Variants in CIB4 observed in about 807,000 individuals in gnomAD.
The protein encoded by CIB4 is calcium and integrin binding family member 4, also known as calcium and integrin-binding family member 4.
A neutral mutation model predicts 25.8 loss-of-function variants in CIB4; 25 were observed. That is an observed-to-expected ratio of 0.97 (90% CI 0.71 to 1.35). CIB4 has a LOEUF of 1.35. CIB4 is among the 40% of genes most tolerant of loss of function. The pLI is 0.00. For missense variants in CIB4, 235 were observed against 228.2 expected (o/e 1.03, Z -0.19); for synonymous variants, 75 against 81.4 (o/e 0.92, Z 0.42).
intron 3 of CIB4, among the ~76,000 whole-genome samples, chr2:26,603,010 G>A (rs1000641987): frequency 4.5e-5 from 6 of 134,756 alleles, no homozygotes; most frequent in Non-Finnish European, 6.2e-5. Context: ...ATCTATGATC[G>A]CTCCACTGTG....
chr2:26,582,548 G>A (rs1006219226), intron 6 of CIB4, among the ~76,000 whole-genome samples: 7 of 152,202 alleles, frequency 4.6e-5, no homozygotes, highest in Non-Finnish European at 8.8e-5. Context: ...AAGCACAGAG[G>A]TGTGTCAGCT....
chr2:26,596,294 A>G (rs561197393), intron 3 of CIB4, among the ~76,000 whole-genome samples: 4 of 152,342 alleles, frequency 2.6e-5, no homozygotes, highest in Admixed American at 1.3e-4. Flanking sequence ...AGGATGGAAA[A>G]GAATTCTGGG....
chr2:26,592,177 A>T (rs1467080885), intron 4 of CIB4, among the ~76,000 whole-genome samples: 1 of 152,214 alleles, frequency 6.6e-6, no homozygotes, highest in Non-Finnish European at 1.5e-5. Flanking sequence ...TTTGCAACCG[A>T]AAGACTCTTG....
chr2:26,602,858 G>A (rs1279014614), intron 3 of CIB4, among the ~76,000 whole-genome samples: 4 of 152,108 alleles, frequency 2.6e-5, no homozygotes, highest in Non-Finnish European at 2.9e-5. Context: ...ACAGGCATTC[G>A]AAATCAGCCT....
chr2:26,589,047 CT>C lies in CIB4; in HGVS notation c.329-5150del, dbSNP rs1558554751. ...TCTTCTTCTTCTTCTTCTTCTTCTT[CT>C]TCTTCTTCTTCCTCTTCCTCTTCCT... On this transcript the variant is annotated intron_variant, in intron 4 of 6. Transcript: ENST00000288861. Among the ~76,000 whole-genome samples, 43 of 53,576 alleles carry C rather than the reference CT, an allele frequency of 8.0e-4. 3 individuals carry two copies. The highest frequency in any genetic ancestry group is 3.0e-3 in the African/African-American group (39 of 12,854). 35.1% of individuals were successfully genotyped at this position (53,576 alleles called of 152,430 possible).
At chr2:26,617,858 C>G (rs917613740) in intron 3 of CIB4, among the ~76,000 whole-genome samples, 1 of 152,192 alleles carries the variant, frequency 6.6e-6, no homozygotes, top group East Asian at 1.9e-4. Context: ...TCCTCATCAA[C>G]GGACCAAACC....
In CIB4 at chr2:26,618,757, T is replaced by A. The variant is rs188321324; in HGVS notation, c.186+10653A>T. ...TGACCGCAGGGCAGCACTGGCGAGG[T>A]CCTTCCTGGGTCCTCATGGAGGAAG... On this transcript the variant is annotated intron_variant, in intron 3 of 6. Transcript: ENST00000288861. Among the ~76,000 whole-genome samples, 915 of 152,224 alleles carry A rather than the reference T, an allele frequency of 6.0e-3. 12 individuals are homozygous for A. Among genetic ancestry groups the A allele is most frequent in the African/African-American group, 0.02 (818 of 41,536 alleles).
intron 3 of CIB4, among the ~76,000 whole-genome samples, chr2:26,612,536 G>A (rs147919488): frequency 0.012 from 1,850 of 152,108 alleles, 45 homozygotes; most frequent in African/African-American, 0.043. Flanking sequence ...CCCCTCCCAG[G>A]GTCCCTGGTG....
intron 3 of CIB4, among the ~76,000 whole-genome samples, chr2:26,608,456 C>G (rs545249674): frequency 7.0e-4 from 107 of 152,298 alleles, no homozygotes; most frequent in Non-Finnish European, 9.8e-4. Context: ...GTCAGCACCT[C>G]TAGGCCTAAG....
At chr2:26,637,193 A>G (rs1669550308) in intron 2 of CIB4, among the ~76,000 whole-genome samples, 1 of 152,058 alleles carries the variant, frequency 6.6e-6, no homozygotes, top group Non-Finnish European at 1.5e-5. Flanking sequence ...GGAATCACAT[A>G]AGACTTTCAA....
chr2:26,584,639 C>A (rs1325815095), intron 4 of CIB4, among the ~76,000 whole-genome samples: 2 of 152,206 alleles, frequency 1.3e-5, no homozygotes, highest in Non-Finnish European at 2.9e-5. Context: ...GAATGGGCAC[C>A]ATTTCTTCAT....
At chr2:26,581,474 A>T in intron 6 of CIB4, 81 bp from the exon 7 acceptor site, 1 of 1,402,354 alleles carries the variant, frequency 7.1e-7, no homozygotes, top group East Asian at 2.3e-5. Context: ...GTAGTCCTGG[A>T]GGCTCCCTCC....
chr2:26,615,609 C>T (rs981354900), intron 3 of CIB4, among the ~76,000 whole-genome samples: 1 of 152,198 alleles, frequency 6.6e-6, no homozygotes. Flanking sequence ...CCCAGGCTTT[C>T]CTCGCTACCT....
At chr2:26,615,909 TA>T (rs1669083028) in intron 3 of CIB4, among the ~76,000 whole-genome samples, 1 of 152,250 alleles carries the variant, frequency 6.6e-6, no homozygotes, top group South Asian at 2.1e-4. Context: ...GAAAAAGATC[TA>T]ATGATGCTTG....
chr2:26,624,446 C>G (rs1463286292), intron 3 of CIB4, among the ~76,000 whole-genome samples: 3 of 152,174 alleles, frequency 2.0e-5, no homozygotes, highest in African/African-American at 7.2e-5. Context: ...TCTCCAAAAG[C>G]TGGTCTGAGC....
chr2:26,603,203 C>A (rs781596799), intron 3 of CIB4, among the ~76,000 whole-genome samples: 3 of 152,040 alleles, frequency 2.0e-5, no homozygotes, highest in Non-Finnish European at 4.4e-5. Context: ...CATGGAAAAG[C>A]GAGACTGAGA....
chr2:26,631,012 C>T (rs1212392379), intron 2 of CIB4, among the ~76,000 whole-genome samples: 2 of 152,158 alleles, frequency 1.3e-5, no homozygotes, highest in Non-Finnish European at 2.9e-5. Flanking sequence ...TTAGTCCTTT[C>T]CTGTTCCTCT....
chr2:26,606,193 T>C (rs72857957), intron 3 of CIB4, among the ~76,000 whole-genome samples: 3,614 of 152,308 alleles, frequency 0.024, 145 homozygotes, highest in African/African-American at 0.074. Context: ...CCCAAAATGA[T>C]GCAGACGCTG....
In CIB4 at chr2:26,641,244, T is replaced by C; in HGVS notation, c.54+17A>G. The C allele has an allele frequency of 6.2e-7, 1 of 1,606,652 alleles. No homozygotes were observed. Among genetic ancestry groups the C allele is most frequent in the East Asian group, 2.2e-5 (1 of 44,802 alleles). On this transcript the variant is annotated intron_variant, in intron 1 of 6. Transcript: ENST00000288861. Reference sequence around the variant, plus strand: ...AGCTCCCACCTCTGCCCAGAGTCCCTAGCCCGATCTACCCACCTGGTACTC... The same window carrying C: ...AGCTCCCACCTCTGCCCAGAGTCCCCAGCCCGATCTACCCACCTGGTACTC...
Sources: allele counts gnomAD v4.1 joint callset (sites outside exome capture counted in the v4.1 genomes callset), GRCh38; gene constraint gnomAD v4.1.1; transcripts MANE v1.5; gene names NCBI Gene and HGNC (gene_info 2026-07-23, HGNC 2026-07-21).